The following ZMAT4 variants were observed in gnomAD, a reference collection of about 807,000 sequenced individuals.
ZMAT4 encodes the protein zinc finger matrin-type 4, also known as zinc finger matrin-type protein 4.
ZMAT4 carries 17 observed loss-of-function variants against 28.7 expected under a neutral mutation model. The ratio of observed to expected loss-of-function variants is 0.59; its 90% CI spans 0.41 to 0.89. The LOEUF is 0.89. ZMAT4 is among the 40% of genes least tolerant of loss of function. The pLI, the probability that ZMAT4 is intolerant of heterozygous loss-of-function variation, is 0.00. For missense variants in ZMAT4, 240 were observed against 283.8 expected, an observed-to-expected ratio of 0.85 and a Z score of 1.11; for synonymous variants, 117 against 109.2, an observed-to-expected ratio of 1.07 and a Z score of -0.44.
In ZMAT4 at chr8:40,754,129, G is replaced by A. The variant is rs566107820; in HGVS notation, c.192+13512C>T. Among the ~76,000 whole-genome samples the A allele has an allele frequency of 4.0e-5, 6 of 151,138 alleles. No individual in the cohort carries two copies. The South Asian group carries it at 6.3e-4, about 16-fold the overall frequency. On this transcript the variant is annotated intron_variant, in intron 3 of 6. Transcript: ENST00000297737. ...AGAGGCTGCAGTGCGCCGAGATCAC[G>A]CCACTGCACTCCAGCCTGGCAACAG... is the stretch of plus-strand genomic sequence containing the variant.
At chr8:40,573,243 G>A (rs188506324) in intron 6 of ZMAT4, among the ~76,000 whole-genome samples, 1 of 152,256 alleles carries the variant, frequency 6.6e-6, no homozygotes, top group East Asian at 1.9e-4. Flanking sequence ...AATGTGGGTA[G>A]TTTACAGCAG....
At chr8:40,829,477 A>G (rs1295231599) in intron 1 of ZMAT4, among the ~76,000 whole-genome samples, 3 of 152,308 alleles carry the variant, frequency 2.0e-5, no homozygotes, top group Admixed American at 2.0e-4. Context: ...TATAGCAGTG[A>G]TGGTGTGAGG....
intron 4 of ZMAT4, among the ~76,000 whole-genome samples, chr8:40,682,556 A>G (rs566766534): frequency 6.6e-6 from 1 of 152,310 alleles, no homozygotes; most frequent in Non-Finnish European, 1.5e-5. Context: ...AAAAATCCAC[A>G]TGCTATTTAT....
chr8:40,677,182 A>G (rs1479218530), intron 4 of ZMAT4, among the ~76,000 whole-genome samples: 7 of 152,208 alleles, frequency 4.6e-5, no homozygotes, highest in African/African-American at 1.7e-4. Context: ...GTGAGGCACA[A>G]TAGAATATTC....
intron 1 of ZMAT4, among the ~76,000 whole-genome samples, chr8:40,830,977 C>T (rs775348961): frequency 3.7e-4 from 56 of 151,662 alleles, no homozygotes; most frequent in Admixed American, 2.6e-3. Context: ...AGCAGAGACA[C>T]GCAAAAAGGG....
chr8:40,756,528 T>C (rs1473791700), intron 3 of ZMAT4, among the ~76,000 whole-genome samples: 1 of 145,432 alleles, frequency 6.9e-6, no homozygotes, highest in Admixed American at 7.0e-5. Flanking sequence ...TAGCAAGTGA[T>C]AGGAAAAACC....
intron 5 of ZMAT4, among the ~76,000 whole-genome samples, chr8:40,590,386 T>C (rs898229067): frequency 1.1e-4 from 16 of 151,640 alleles, no homozygotes; most frequent in Non-Finnish European, 1.5e-5. Context: ...ATTCTGCTTG[T>C]GTGGGTCCCT....
At chr8:40,601,609 AGAAAGAAAGAAAGAAAGAAAGAAAG>A (rs1563360602) in intron 5 of ZMAT4, among the ~76,000 whole-genome samples, 29 of 7,958 alleles carry the variant, frequency 3.6e-3, no homozygotes, top group South Asian at 6.4e-3. Context: ...AAAGAAAGAA[AGAAAGAAAGAAAGAAAGAAAGAAAG>A]AGAAAGAAAG....
At chr8:40,856,767 G>A (rs1817312727) in intron 1 of ZMAT4, among the ~76,000 whole-genome samples, 1 of 152,144 alleles carries the variant, frequency 6.6e-6, no homozygotes, top group Non-Finnish European at 1.5e-5. Flanking sequence ...GGAAGGTGAA[G>A]GAGATGTGGG....
intron 2 of ZMAT4, among the ~76,000 whole-genome samples, chr8:40,817,085 G>A (rs1244881995): frequency 6.6e-6 from 1 of 152,044 alleles, no homozygotes; most frequent in African/African-American, 2.4e-5. Flanking sequence ...TTGGAAAAAA[G>A]AAAGACAATG....
intron 3 of ZMAT4, among the ~76,000 whole-genome samples, chr8:40,719,868 A>G (rs4737168): frequency 0.98 from 149,381 of 152,256 alleles, 73,347 homozygotes; most frequent in East Asian, 1. Flanking sequence ...CACCATGCCC[A>G]GCCCATTCAA....
At chr8:40,824,410 A>C (rs1815944151) in intron 2 of ZMAT4, among the ~76,000 whole-genome samples, 1 of 152,204 alleles carries the variant, frequency 6.6e-6, no homozygotes, top group Non-Finnish European at 1.5e-5. Context: ...GTGCCACAGC[A>C]CTCCAGCCTG....
At chr8:40,690,919 T>C in intron 4 of ZMAT4, 1 of 985,232 alleles carries the variant, frequency 1.0e-6, no homozygotes, top group Non-Finnish European at 1.2e-6. Context: ...TGCTTATCCG[T>C]TGCTTTTCTT....
chr8:40,714,016 A>T (rs1439171133), intron 3 of ZMAT4, among the ~76,000 whole-genome samples: 1 of 152,042 alleles, frequency 6.6e-6, no homozygotes, highest in East Asian at 1.9e-4. Context: ...GATCAATTTT[A>T]CCAGTGACCT....
chr8:40,657,723 A>C (rs1008095337), intron 5 of ZMAT4, among the ~76,000 whole-genome samples: 9 of 152,154 alleles, frequency 5.9e-5, no homozygotes, highest in African/African-American at 2.2e-4. Context: ...TTTCTCATCA[A>C]CAAAACAAAG....
In ZMAT4 at chr8:40,734,857, A is replaced by T. The variant is rs144899766; in HGVS notation, c.192+32784T>A. Among the ~76,000 whole-genome samples the T allele has an allele frequency of 2.8e-3, 424 of 152,342 alleles. 3 individuals carry two copies. The East Asian group carries it at 0.028, about 10-fold the overall frequency. ...CCAAAATTTAAAAAAATCTCTAAAG[A>T]CATTAATACAGAAATTAAATATTTT... On this transcript the variant is annotated intron_variant, in intron 3 of 6. Transcript: ENST00000297737.
chr8:40,863,217 A>C (rs146666390), intron 1 of ZMAT4, among the ~76,000 whole-genome samples: 1 of 152,216 alleles, frequency 6.6e-6, no homozygotes, highest in East Asian at 1.9e-4. Flanking sequence ...AAGAGCTTTA[A>C]GTAGGGGAGT....
chr8:40,599,194 C>G (rs1407262268), intron 5 of ZMAT4, among the ~76,000 whole-genome samples: 1 of 152,132 alleles, frequency 6.6e-6, no homozygotes, highest in African/African-American at 2.4e-5. Context: ...CTCTGCCCTC[C>G]TATACTACTT....
chr8:40,815,303 G>A (rs920127621), intron 2 of ZMAT4, among the ~76,000 whole-genome samples: 5 of 151,908 alleles, frequency 3.3e-5, no homozygotes, highest in African/African-American at 1.2e-4. Context: ...AATAAAACAG[G>A]GGAAATAAAA....
Sources: gnomAD v4.1 joint callset for allele counts (sites outside exome capture counted in the v4.1 genomes callset) on GRCh38, gnomAD v4.1.1 for gene constraint, MANE v1.5 for transcripts, NCBI Gene and HGNC (gene_info 2026-07-23, HGNC 2026-07-21) for gene names.